The following THRB variants were observed in gnomAD, a reference collection of about 807,000 sequenced individuals.
THRB encodes the protein thyroid hormone receptor beta, also known as nuclear receptor subfamily 1 group A member 2.
THRB carries 12 observed loss-of-function variants against 47.8 expected under a neutral mutation model. The ratio of observed to expected loss-of-function variants is 0.25; its 90% CI spans 0.16 to 0.41. The LOEUF (loss-of-function observed/expected upper bound fraction) is 0.41. THRB is among the 10% of genes least tolerant of loss of function. The probability of loss-of-function intolerance (pLI) is 1.00; values close to 1 mark genes in which losing one functional copy is unlikely to be tolerated. For synonymous variants in THRB, 218 were observed against 212.2 expected (o/e 1.03, Z -0.24); for missense variants, 348 against 589.2 (o/e 0.59, Z 4.24).
intron 4 of THRB, among the ~76,000 whole-genome samples, chr3:24,195,215 T>A (rs1449206487): frequency 6.6e-6 from 1 of 152,198 alleles, no homozygotes; most frequent in African/African-American, 2.4e-5. Context: ...GTTGAGCATT[T>A]ACTATGAGCC....
rs571113202 is a variant in THRB at position 24,128,545 on chromosome 3, T to C, written c.886-788A>G. On this transcript the variant is annotated intron_variant, in intron 9 of 10. Transcript: ENST00000646209. Reference sequence around the variant, plus strand: ...CCTTTGCTTATAGGCAAAATAAGAATTTTATTTTCTGGAAGGGGAGACTAT... The same window carrying C: ...CCTTTGCTTATAGGCAAAATAAGAACTTTATTTTCTGGAAGGGGAGACTAT... Among the ~76,000 whole-genome samples, 8 of 152,336 alleles carry C rather than the reference T, an allele frequency of 5.3e-5. No individual in the cohort carries two copies. In the South Asian group the frequency reaches 1.7e-3, roughly 32 times the overall value.
chr3:24,341,231 C>CT (rs5847287), intron 1 of THRB, among the ~76,000 whole-genome samples: 24,661 of 103,664 alleles, frequency 0.24, 3,623 homozygotes, highest in Admixed American at 0.36. Context: ...ATGAGATTAC[C>CT]TTTTTTTTTT....
intron 3 of THRB, among the ~76,000 whole-genome samples, chr3:24,265,049 T>A (rs1299376437): frequency 6.6e-6 from 1 of 152,144 alleles, no homozygotes; most frequent in Non-Finnish European, 1.5e-5. Flanking sequence ...ATGGGAACAT[T>A]AACTGAGTGG....
intron 1 of THRB, among the ~76,000 whole-genome samples, chr3:24,452,300 G>GGC (rs145138963): frequency 0.017 from 2,623 of 151,884 alleles, 30 homozygotes; most frequent in Non-Finnish European, 0.024. Context: ...CTGGATTTTT[G>GGC]GCACCCCCTT....
At chr3:24,288,882 T>C (rs913530967) in intron 3 of THRB, among the ~76,000 whole-genome samples, 1 of 152,226 alleles carries the variant, frequency 6.6e-6, no homozygotes, top group Non-Finnish European at 1.5e-5. Context: ...CACACACCAT[T>C]TGTATGCTTG....
chr3:24,285,931 G>A (rs2055235167), intron 3 of THRB, among the ~76,000 whole-genome samples: 1 of 152,178 alleles, frequency 6.6e-6, no homozygotes, highest in Admixed American at 6.5e-5. Context: ...GATGGTATTT[G>A]GAGGTAGGGC....
chr3:24,133,745 G>A (rs2034231484), intron 8 of THRB, among the ~76,000 whole-genome samples: 1 of 151,774 alleles, frequency 6.6e-6, no homozygotes, highest in South Asian at 2.1e-4. Context: ...CAGGAATTTG[G>A]GTCCTGCTTC....
intron 1 of THRB, among the ~76,000 whole-genome samples, chr3:24,443,626 T>A (rs1461798060): frequency 1.3e-5 from 2 of 152,142 alleles, no homozygotes; most frequent in Admixed American, 1.3e-4. Flanking sequence ...TAGGCTTTGG[T>A]CCAAGAATAA....
chr3:24,136,319 A>G (rs1212592976), intron 8 of THRB, among the ~76,000 whole-genome samples: 1 of 152,134 alleles, frequency 6.6e-6, no homozygotes, highest in Non-Finnish European at 1.5e-5. Context: ...AAACCCTTTG[A>G]TTTTATCATT....
intron 1 of THRB, among the ~76,000 whole-genome samples, chr3:24,347,420 A>G (rs1349056506): frequency 6.7e-6 from 1 of 149,536 alleles, no homozygotes; most frequent in Non-Finnish European, 1.5e-5. Flanking sequence ...TTAGTAATAC[A>G]GAGAACAGAG....
At chr3:24,272,381 C>A (rs894924231) in intron 3 of THRB, among the ~76,000 whole-genome samples, 23 of 148,786 alleles carry the variant, frequency 1.5e-4, no homozygotes, top group African/African-American at 4.6e-4. Context: ...CAAACAAAAA[C>A]AAACAAACAA....
chr3:24,135,896 G>A (rs2034607922), intron 8 of THRB, among the ~76,000 whole-genome samples: 1 of 144,386 alleles, frequency 6.9e-6, no homozygotes, highest in African/African-American at 2.5e-5. Context: ...TATATATGTA[G>A]GATGAACTTT....
intron 1 of THRB, among the ~76,000 whole-genome samples, chr3:24,403,751 AG>A (rs2067608402): frequency 6.6e-6 from 1 of 152,020 alleles, no homozygotes; most frequent in African/African-American, 2.4e-5. Context: ...AAGTGACGAA[AG>A]GGCAAGTATA....
At chr3:24,398,838 A>T (rs987234827) in intron 1 of THRB, among the ~76,000 whole-genome samples, 1 of 152,150 alleles carries the variant, frequency 6.6e-6, no homozygotes, top group African/African-American at 2.4e-5. Flanking sequence ...CAAATGTCCA[A>T]CAATGATAGA....
chr3:24,352,214 A>T (rs370675133), intron 1 of THRB, among the ~76,000 whole-genome samples: 9 of 152,342 alleles, frequency 5.9e-5, no homozygotes, highest in African/African-American at 1.9e-4. Context: ...TTTAACCTTA[A>T]TAAAACTTTT....
rs185709967 is a variant in THRB, at chr3:24,471,540, A to C, written c.-261+23112T>G. On this transcript the variant is annotated intron_variant, in intron 1 of 10. Transcript: ENST00000646209. ...TTGGACCCACCATTCCAGTCCCTCA[A>C]GATCTCTCTAAATCCACACTCTGTA... Among the ~76,000 whole-genome samples, 10 of 152,276 alleles carry C rather than the reference A, an allele frequency of 6.6e-5. No homozygotes were observed. The East Asian group carries it at 1.7e-3, about 26-fold the overall frequency.
chr3:24,291,466 G>T (rs900094952), intron 3 of THRB, among the ~76,000 whole-genome samples: 2 of 149,238 alleles, frequency 1.3e-5, no homozygotes, highest in African/African-American at 4.9e-5. Context: ...GGACACCAGA[G>T]ATGCTCAAGT....
intron 2 of THRB, among the ~76,000 whole-genome samples, chr3:24,306,448 T>C (rs1355783307): frequency 2.0e-5 from 3 of 152,174 alleles, no homozygotes; most frequent in Non-Finnish European, 4.4e-5. Flanking sequence ...TTGTCATAAA[T>C]ATAGATTCCC....
chr3:24,273,622 C>T (rs1405985046), intron 3 of THRB, among the ~76,000 whole-genome samples: 1 of 152,212 alleles, frequency 6.6e-6, no homozygotes, highest in African/African-American at 2.4e-5. Flanking sequence ...GTGGCAGAAG[C>T]TGACCTGATT....
Sources: allele counts gnomAD v4.1 joint callset (sites outside exome capture counted in the v4.1 genomes callset), GRCh38; gene constraint gnomAD v4.1.1; transcripts MANE v1.5; gene names NCBI Gene and HGNC (gene_info 2026-07-23, HGNC 2026-07-21).